KIAA1671: variants seen among roughly 807,000 people sequenced by gnomAD.
KIAA1671 encodes uncharacterized protein KIAA1671.
A neutral mutation model predicts 131.2 loss-of-function variants in KIAA1671; 52 were observed. That is an observed-to-expected ratio of 0.40 (90% CI 0.32 to 0.50). The LOEUF is 0.50. Among genes scored for constraint, KIAA1671 ranks in the 20% least tolerant of loss-of-function variants. KIAA1671 has a pLI of 0.73. For missense variants in KIAA1671, 2,360 were observed against 2,364.2 expected, an observed-to-expected ratio of 1.00 and a Z score of 0.04; for synonymous variants, 1,003 against 961.6, an observed-to-expected ratio of 1.04 and a Z score of -0.80.
intron 6 of KIAA1671, among the ~76,000 whole-genome samples, chr22:25,140,277 T>C (rs527903900): frequency 6.6e-6 from 1 of 152,342 alleles, no homozygotes; most frequent in African/African-American, 2.4e-5. Flanking sequence ...TGTCCGCAGT[T>C]CCTTGCCACA....
chr22:25,053,193 G>T (rs1453019767), intron 6 of KIAA1671: 1 of 152,168 alleles, frequency 6.6e-6, no homozygotes, highest in Non-Finnish European at 1.5e-5. Context: ...GCTGGGGCTG[G>T]AGTTCTTCTT....
At chr22:25,092,828 G>C (rs974074089) in intron 6 of KIAA1671, among the ~76,000 whole-genome samples, 1 of 152,140 alleles carries the variant, frequency 6.6e-6, no homozygotes, top group Non-Finnish European at 1.5e-5. Context: ...ATGCAGGGGA[G>C]CTGTTGCGAG....
intron 6 of KIAA1671, among the ~76,000 whole-genome samples, chr22:25,143,102 T>C (rs988101137): frequency 6.6e-6 from 1 of 152,200 alleles, no homozygotes; most frequent in Non-Finnish European, 1.5e-5. Flanking sequence ...GTCTATTTAC[T>C]CAGGTATTTT....
At chr22:25,189,961 G>A (rs7292729) in intron 11 of KIAA1671, among the ~76,000 whole-genome samples, 205 of 152,246 alleles carry the variant, frequency 1.3e-3, no homozygotes, top group African/African-American at 4.5e-3. Context: ...GATATATCGT[G>A]ATTTATTTCA....
At chr22:25,173,405 C>T (rs1933916616) in intron 7 of KIAA1671, among the ~76,000 whole-genome samples, 1 of 152,136 alleles carries the variant, frequency 6.6e-6, no homozygotes, top group African/African-American at 2.4e-5. Context: ...AGTAAGTGCT[C>T]AGTAGATTTT....
chr22:25,079,517 G>A (rs1214853688), intron 6 of KIAA1671, among the ~76,000 whole-genome samples: 1 of 152,188 alleles, frequency 6.6e-6, no homozygotes, highest in Non-Finnish European at 1.5e-5. Context: ...GAGGGCTTGG[G>A]TGTGTGGGGC....
chr22:25,163,394 CTG>C lies in KIAA1671; in HGVS notation c.4531-7423_4531-7422del, dbSNP rs760262796. ...TTTCTAGTTTATGGCAGACATCTTTCTGTGACAGTAAATATTACTTCTGGACA... is the reference window on the plus strand; with the variant it reads ...TTTCTAGTTTATGGCAGACATCTTTCTGACAGTAAATATTACTTCTGGACA... On this transcript the variant is annotated intron_variant, in intron 6 of 12. Coordinates refer to ENST00000358431, the MANE Select transcript of KIAA1671 (RefSeq NM_001145206.2). Among the ~76,000 whole-genome samples, 7 of 83,838 alleles carry C rather than the reference CTG, an allele frequency of 8.3e-5. No individual in the cohort carries two copies. The East Asian group carries it at 2.0e-3, about 24-fold the overall frequency. The allele number at this position is 83,838 out of a possible 152,430, so 55.0% of individuals were successfully genotyped here.
intron 6 of KIAA1671, among the ~76,000 whole-genome samples, chr22:25,120,530 A>G (rs1476548039): frequency 6.6e-6 from 1 of 152,230 alleles, no homozygotes; most frequent in Non-Finnish European, 1.5e-5. Flanking sequence ...GGTGCTCCAC[A>G]GGGATCTGCT....
chr22:24,981,716 T>C (rs1214472312), intron 1 of KIAA1671, among the ~76,000 whole-genome samples: 1 of 152,200 alleles, frequency 6.6e-6, no homozygotes, highest in Non-Finnish European at 1.5e-5. Context: ...AAGATCAGCC[T>C]GGGCAACGTG....
chr22:25,179,701 G>T (rs1310167852), intron 9 of KIAA1671: 8 of 597,188 alleles, frequency 1.3e-5, no homozygotes, highest in Non-Finnish European at 2.4e-5. Flanking sequence ...ATTAATTGAG[G>T]CTCTTTGAGT....
rs192265232 is a variant in KIAA1671, at chr22:24,953,134, C to T, written c.-208+362C>T. Among the ~76,000 whole-genome samples, 341 of 152,190 alleles carry T rather than the reference C, an allele frequency of 2.2e-3. 2 individuals are homozygous for T. Among genetic ancestry groups the T allele is most frequent in the African/African-American group, 7.3e-3 (302 of 41,526 alleles). ...GGATCGGGCGCTGGAGGCCTGGGGT[C>T]CCACTGGATCCCCAGTCAGGGGTGA... is the stretch of plus-strand genomic sequence containing the variant. On this transcript the variant is annotated intron_variant, in intron 1 of 12. Transcript: ENST00000358431.
At chr22:25,107,239 C>T (rs1931058508) in intron 6 of KIAA1671, among the ~76,000 whole-genome samples, 1 of 151,882 alleles carries the variant, frequency 6.6e-6, no homozygotes, top group Non-Finnish European at 1.5e-5. Flanking sequence ...GACCAGGTGT[C>T]TCACAGGAAA....
At chr22:25,012,574 C>G (rs1204386359) in intron 1 of KIAA1671, 1 of 152,164 alleles carries the variant, frequency 6.6e-6, no homozygotes, top group African/African-American at 2.4e-5. Flanking sequence ...TGCCCGGCCA[C>G]TTTTCCCCTT....
chr22:25,174,368 A>T lies in KIAA1671; in HGVS notation c.4778A>T (p.Asp1593Val), dbSNP rs1423806853. The change falls in exon 8 of 13, where the codon GAC becomes GTC. Residue 1593 changes from aspartate (D) to valine (V), a missense_variant. Asp to Val is a radical substitution (Grantham distance 152). Around this residue, in one of 3 missense-constraint regions of KIAA1671, gnomAD observed 1,161 missense variants for 1,204.7 expected, o/e 0.96. Transcript: ENST00000358431. Reference protein sequence around the residue: ...SAGDQYDCSRDQRSTSVDHSS... With the variant: ...SAGDQYDCSRVQRSTSVDHSS... ...GGGGACCAGTATGACTGCTCCAGGG[A>T]CCAGCGGAGCACCAGCGTGGACCAC... 4.5e-6 allele frequency: 7 copies of T among 1,552,038 alleles called. No individual in the cohort carries two copies. Among genetic ancestry groups the T allele is most frequent in the Middle Eastern group, 3.3e-4 (2 of 5,996 alleles).
At chr22:25,011,414 G>A (rs550000750) in intron 1 of KIAA1671, 1 of 152,220 alleles carries the variant, frequency 6.6e-6, no homozygotes, top group East Asian at 1.9e-4. Context: ...CTCCCAAAGT[G>A]CTGGGATTAC....
chr22:25,140,616 C>T (rs1486007903), intron 6 of KIAA1671, among the ~76,000 whole-genome samples: 1 of 152,214 alleles, frequency 6.6e-6, no homozygotes, highest in Non-Finnish European at 1.5e-5. Context: ...AGGGCGTGAA[C>T]ACCAGGAGGC....
chr22:25,165,314 C>A (rs1933609044), intron 6 of KIAA1671, among the ~76,000 whole-genome samples: 2 of 152,126 alleles, frequency 1.3e-5, no homozygotes, highest in Admixed American at 1.3e-4. Context: ...AACATTGAGA[C>A]ACAGAGAAGT....
In KIAA1671 at chr22:25,039,213, A is replaced by G. The variant is rs1926780126; in HGVS notation, c.2083A>G (p.Arg695Gly). Residue 695 changes from arginine to glycine, a missense_variant, in exon 5 of 13, where the codon AGA (arginine) becomes GGA (glycine). By Grantham distance (125) the Arg-to-Gly change is moderately radical. Transcript: ENST00000358431. ...GPTTLLNGEL[R>G]PYHTPLRDKY... ...AACCACCCTTTTGAATGGTGAACTG[A>G]GACCGTATCACACGCCTCTCCGGGA... 1.3e-6 allele frequency: 2 copies of G among 1,552,126 alleles called. No homozygotes were observed. The highest frequency in any genetic ancestry group is 1.7e-6 in the Non-Finnish European group (2 of 1,147,128).
At chr22:25,157,825 A>AT (rs113708745) in intron 6 of KIAA1671, among the ~76,000 whole-genome samples, 5,135 of 138,200 alleles carry the variant, frequency 0.037, 154 homozygotes, top group African/African-American at 0.079. Context: ...TGTTCTTTTT[A>AT]TTTTTTTTTT....
Sources: allele counts gnomAD v4.1 joint callset (sites outside exome capture counted in the v4.1 genomes callset), GRCh38; gene constraint gnomAD v4.1.1; regional missense constraint gnomAD v4.1.1; transcripts MANE v1.5; gene names NCBI Gene and HGNC (gene_info 2026-07-23, HGNC 2026-07-21).